The following ZDHHC14 variants were observed in gnomAD, a reference collection of about 807,000 sequenced individuals.
The protein encoded by ZDHHC14 is palmitoyltransferase ZDHHC14.
Under a neutral mutation model 47.7 loss-of-function variants are expected in ZDHHC14, and 16 were observed. The ratio of observed to expected loss-of-function variants is 0.34; its 90% CI spans 0.23 to 0.51. The LOEUF (loss-of-function observed/expected upper bound fraction) is 0.51, where lower values mean the gene tolerates loss of function less well. Ranked by LOEUF, ZDHHC14 falls within the 20% of genes least tolerant of loss-of-function variation. The pLI is 0.97. For synonymous variants in ZDHHC14, 293 were observed against 278.9 expected, an observed-to-expected ratio of 1.05 and a Z score of -0.50; for missense variants, 515 against 662.5, an observed-to-expected ratio of 0.78 and a Z score of 2.44.
chr6:157,526,140 C>T (rs1281395029), intron 1 of ZDHHC14, among the ~76,000 whole-genome samples: 1 of 152,204 alleles, frequency 6.6e-6, no homozygotes, highest in African/African-American at 2.4e-5. Flanking sequence ...AAGACTGGCT[C>T]TCCTAGCAGG....
chr6:157,436,211 T>C (rs1223687081), intron 1 of ZDHHC14, among the ~76,000 whole-genome samples: 2 of 152,198 alleles, frequency 1.3e-5, no homozygotes, highest in Admixed American at 6.5e-5. Flanking sequence ...CCTCCTTTTT[T>C]TCCTTATTTG....
At chr6:157,661,174 G>A (rs1394953498) in intron 8 of ZDHHC14, among the ~76,000 whole-genome samples, 1 of 152,164 alleles carries the variant, frequency 6.6e-6, no homozygotes, top group Non-Finnish European at 1.5e-5. Context: ...GGGTGCCCAT[G>A]GATACCTGGG....
intron 1 of ZDHHC14, among the ~76,000 whole-genome samples, chr6:157,437,290 A>C (rs1778460474): frequency 6.6e-6 from 1 of 152,198 alleles, no homozygotes; most frequent in Non-Finnish European, 1.5e-5. Context: ...CAGGAATGCC[A>C]AATAAGGTTA....
chr6:157,464,962 A>C (rs2114818423), intron 1 of ZDHHC14, among the ~76,000 whole-genome samples: 1 of 152,332 alleles, frequency 6.6e-6, no homozygotes, highest in East Asian at 1.9e-4. Flanking sequence ...TGTTCCAAGA[A>C]ACCAAGACCA....
intron 5 of ZDHHC14, among the ~76,000 whole-genome samples, chr6:157,639,620 CAG>C (rs780867548): frequency 1.3e-5 from 2 of 152,176 alleles, no homozygotes; most frequent in African/African-American, 2.4e-5. Flanking sequence ...TATCTTGCAT[CAG>C]GGGACACAAC....
intron 1 of ZDHHC14, among the ~76,000 whole-genome samples, chr6:157,518,965 C>T (rs112812461): frequency 0.031 from 4,775 of 152,250 alleles, 154 homozygotes; most frequent in African/African-American, 0.074. Context: ...ATGGTGAGGA[C>T]TGGGGCAGGA....
At chr6:157,474,597 C>T (rs1484779090) in intron 1 of ZDHHC14, among the ~76,000 whole-genome samples, 2 of 152,158 alleles carry the variant, frequency 1.3e-5, no homozygotes, top group Non-Finnish European at 2.9e-5. Context: ...TTATTGATAA[C>T]AGTCATTCTA....
In ZDHHC14 at chr6:157,542,590, C is replaced by G; in HGVS notation, c.251C>G (p.Pro84Arg). Reference sequence around the variant, plus strand: ...TCTGTCCAACCTGTCGGCAGCTGTCCGTACCTGGCGGTGAAAATCACCCCT... The same window carrying G: ...TCTGTCCAACCTGTCGGCAGCTGTCGGTACCTGGCGGTGAAAATCACCCCT... ...TSGLFFAFDC[P>R]YLAVKITPAI... is the part of the protein sequence containing the mutation. Residue 84 changes from proline to arginine, a missense_variant, in exon 2 of 9, where the codon CCG becomes CGG. This residue lies in a region of ZDHHC14 where 229 missense variants were observed against 351.5 expected (regional missense o/e 0.65). Coordinates refer to ENST00000359775, the MANE Select transcript of ZDHHC14 (RefSeq NM_024630.3). The G allele has an allele frequency of 6.2e-7, 1 of 1,614,050 alleles. No homozygotes were observed. Among genetic ancestry groups the G allele is most frequent in the Middle Eastern group, 1.6e-4 (1 of 6,062 alleles).
rs71027335 is a variant in ZDHHC14, at chr6:157,416,972, G to GTTTT, written c.245+34732_245+34735dup. On this transcript the variant is annotated intron_variant, in intron 1 of 8. Transcript: ENST00000359775. Reference sequence around the variant, plus strand: ...AGGTGCCCGCCACCATGCCTGGCTAGTTTTTTTTTTTTTTTTTTTTTTTTT... The same window carrying GTTTT: ...AGGTGCCCGCCACCATGCCTGGCTAGTTTTTTTTTTTTTTTTTTTTTTTTTTTTT... Among the ~76,000 whole-genome samples the GTTTT allele has an allele frequency of 4.8e-3, 220 of 45,534 alleles. 29 individuals carry two copies. Among genetic ancestry groups the GTTTT allele is most frequent in the African/African-American group, 8.4e-3 (76 of 9,056 alleles). 29.9% of individuals were successfully genotyped at this position (45,534 alleles called of 152,430 possible). A position where few individuals can be genotyped will look rare whatever the true frequency, so the allele number is the denominator to read the frequency against.
rs1783555488 is a variant in ZDHHC14 at position 157,582,582 on chromosome 6, T to A, written c.407-10406T>A. ...CTGATCTCTTCTGGCTTTTAGGGCT[T>A]CTGCTGAAAGATCTGCTGTTAGCCT... On this transcript the variant is annotated intron_variant, in intron 2 of 8. Coordinates refer to ENST00000359775, the MANE Select transcript of ZDHHC14 (RefSeq NM_024630.3). This position sits in a 1 kb window ranked among gnomAD's most constrained non-coding sequence, Gnocchi z 4.3. 6.6e-6 allele frequency among the ~76,000 whole-genome samples: 1 copy of A among 152,258 alleles called. No individual in the cohort carries two copies.
intron 2 of ZDHHC14, among the ~76,000 whole-genome samples, chr6:157,548,436 G>GTTGT (rs199951969): frequency 0.22 from 33,897 of 150,900 alleles, 3,965 homozygotes; most frequent in East Asian, 0.34. Flanking sequence ...TGTTGTTGTT[G>GTTGT]TTGTTTGTTT....
chr6:157,465,698 G>A (rs1779195928), intron 1 of ZDHHC14, among the ~76,000 whole-genome samples: 1 of 152,184 alleles, frequency 6.6e-6, no homozygotes, highest in Non-Finnish European at 1.5e-5. Flanking sequence ...ACCCCTGAGG[G>A]CAGGTTGGCC....
rs1777206930 is a variant in ZDHHC14, at chr6:157,381,428, A to C, written c.-594A>C. ...TCGCCGAGAGGCTCCTGACAGAAAA[A>C]CGTGCGTGGTTGTCCCCACCCCTGG... On this transcript the variant is annotated 5_prime_UTR_variant, in exon 1 of 9. Transcript: ENST00000359775. 7.1e-5 allele frequency: 18 copies of C among 253,780 alleles called. No homozygotes were observed. The highest frequency in any genetic ancestry group is 5.4e-4 in the South Asian group (18 of 33,134). The allele number at this position is 253,780 out of a possible 1,614,324, so 15.7% of individuals were successfully genotyped here.
intron 2 of ZDHHC14, among the ~76,000 whole-genome samples, chr6:157,562,119 T>C (rs1439620050): frequency 1.3e-5 from 2 of 151,920 alleles, no homozygotes; most frequent in Admixed American, 6.5e-5. Context: ...CCAGAAAACA[T>C]GTGTGGGGCA....
At chr6:157,540,910 G>GTATATATATATA (rs1554264587) in intron 1 of ZDHHC14, among the ~76,000 whole-genome samples, 16 of 122,980 alleles carry the variant, frequency 1.3e-4, no homozygotes, top group African/African-American at 6.5e-4. Flanking sequence ...GTGTGTGTGT[G>GTATATATATATA]TATATATATA....
At chr6:157,602,713 C>G (rs1051017496) in intron 3 of ZDHHC14, among the ~76,000 whole-genome samples, 1 of 152,044 alleles carries the variant, frequency 6.6e-6, no homozygotes, top group African/African-American at 2.4e-5. Context: ...TCAGGAAGGC[C>G]GGGCTCCTGA....
intron 1 of ZDHHC14, among the ~76,000 whole-genome samples, chr6:157,433,995 C>T (rs1778391223): frequency 6.6e-6 from 1 of 152,104 alleles, no homozygotes; most frequent in Admixed American, 6.5e-5. Context: ...GCTAAGTGTA[C>T]ACATCATAAA....
chr6:157,559,834 A>T (rs1222149248), intron 2 of ZDHHC14, among the ~76,000 whole-genome samples: 3 of 152,232 alleles, frequency 2.0e-5, no homozygotes, highest in Non-Finnish European at 2.9e-5. Context: ...TTAGAAATAA[A>T]CATGAAGAAC....
chr6:157,441,292 G>A (rs546250566), intron 1 of ZDHHC14, among the ~76,000 whole-genome samples: 4 of 152,304 alleles, frequency 2.6e-5, no homozygotes, highest in East Asian at 3.9e-4. Flanking sequence ...CATTTGAGAC[G>A]AGAGCTCTTC....
Sources: gnomAD v4.1 joint callset for allele counts (sites outside exome capture counted in the v4.1 genomes callset) on GRCh38, gnomAD v4.1.1 for gene constraint, gnomAD v4.1.1 regional missense constraint, Gnocchi (gnomAD v3.1) non-coding constraint, MANE v1.5 for transcripts, NCBI Gene and HGNC (gene_info 2026-07-23, HGNC 2026-07-21) for gene names.